The following MACROD2 variants were observed in gnomAD, a reference collection of about 807,000 sequenced individuals.
MACROD2 encodes the protein ADP-ribose glycohydrolase MACROD2.
Under a neutral mutation model 70.4 loss-of-function variants are expected in MACROD2, and 36 were observed. That is an observed-to-expected ratio of 0.51 (90% confidence interval 0.39 to 0.68). The LOEUF is 0.68. Among genes scored for constraint, MACROD2 ranks in the 30% least tolerant of loss-of-function variants. The pLI is 0.00. For missense variants in MACROD2, 496 were observed against 538.4 expected (o/e 0.92, Z 0.78); for synonymous variants, 172 against 178.8 (o/e 0.96, Z 0.30).
chr20:14,064,827 T>C (rs1353405493), intron 2 of MACROD2, among the ~76,000 whole-genome samples: 1 of 152,196 alleles, frequency 6.6e-6, no homozygotes, highest in Non-Finnish European at 1.5e-5. Flanking sequence ...GTTAATACGA[T>C]ACTAAATGAA....
At chr20:15,035,791 GGGCCTACCA>G (rs2075308224) in intron 5 of MACROD2, among the ~76,000 whole-genome samples, 1 of 152,116 alleles carries the variant, frequency 6.6e-6, no homozygotes, top group Non-Finnish European at 1.5e-5. Context: ...CCCCAACTTG[GGGCCTACCA>G]GGAAATCCTA....
chr20:14,835,697 A>G (rs2073021965), intron 5 of MACROD2, among the ~76,000 whole-genome samples: 1 of 151,942 alleles, frequency 6.6e-6, no homozygotes, highest in Non-Finnish European at 1.5e-5. Flanking sequence ...TTCTACTACC[A>G]TTGCTCTGGA....
intron 8 of MACROD2, among the ~76,000 whole-genome samples, chr20:15,764,094 GC>G (rs2051482415): frequency 6.6e-6 from 1 of 152,184 alleles, no homozygotes; most frequent in Non-Finnish European, 1.5e-5. Context: ...ACAAAGCCCT[GC>G]CATTCCATAG....
intron 6 of MACROD2, among the ~76,000 whole-genome samples, chr20:15,288,784 G>A (rs2077514455): frequency 6.6e-6 from 1 of 151,992 alleles, no homozygotes; most frequent in Non-Finnish European, 1.5e-5. Flanking sequence ...AAAGCTTATG[G>A]TGGGACTTTT....
At chr20:15,248,102 T>A (rs1361308235) in intron 6 of MACROD2, among the ~76,000 whole-genome samples, 1 of 152,178 alleles carries the variant, frequency 6.6e-6, no homozygotes, top group Non-Finnish European at 1.5e-5. Flanking sequence ...AGGCTGCTCC[T>A]CTCTTGTTTA....
intron 6 of MACROD2, among the ~76,000 whole-genome samples, chr20:15,427,358 G>A (rs2046311950): frequency 6.6e-6 from 1 of 152,170 alleles, no homozygotes; most frequent in South Asian, 2.1e-4. Context: ...TAAGGCAAAT[G>A]AAACTTGTCA....
At chr20:15,367,602 T>G (rs2045429564) in intron 6 of MACROD2, among the ~76,000 whole-genome samples, 1 of 152,190 alleles carries the variant, frequency 6.6e-6, no homozygotes, top group South Asian at 2.1e-4. Flanking sequence ...ATTCAGGATC[T>G]TCTAAGTATA....
intron 5 of MACROD2, chr20:14,893,275 C>G (rs998113044): frequency 6.6e-6 from 1 of 152,084 alleles, no homozygotes; most frequent in African/African-American, 2.4e-5. Context: ...GCAGATATCT[C>G]TTGGAGACCC....
intron 3 of MACROD2, among the ~76,000 whole-genome samples, chr20:14,268,981 G>A (rs2082167805): frequency 6.6e-6 from 1 of 152,132 alleles, no homozygotes; most frequent in African/African-American, 2.4e-5. Context: ...GTGTGTTGGC[G>A]TAATAACACA....
chr20:14,955,445 T>C (rs79096558), intron 5 of MACROD2, among the ~76,000 whole-genome samples: 2,386 of 151,372 alleles, frequency 0.016, 63 homozygotes, highest in African/African-American at 0.053. Flanking sequence ...CACACCTCAT[T>C]GCCCTCCACA....
chr20:14,311,385 C>T lies in MACROD2; in HGVS notation c.272-182094C>T, dbSNP rs182325395. On this transcript the variant is annotated intron_variant, in intron 3 of 17. Coordinates refer to ENST00000684519, the MANE Select transcript of MACROD2 (RefSeq NM_001351661.2). Reference sequence around the variant, plus strand: ...TAGGAGAAGTAGGGTATACCATATCCTAGGTGTGTAGTAGGCTATACTATC... The same window carrying T: ...TAGGAGAAGTAGGGTATACCATATCTTAGGTGTGTAGTAGGCTATACTATC... Among the ~76,000 whole-genome samples, 4 of 152,202 alleles carry T rather than the reference C, an allele frequency of 2.6e-5. No individual in the cohort carries two copies. In the East Asian group the frequency reaches 7.7e-4, roughly 29 times the overall value.
chr20:14,224,875 T>G (rs1030609881), intron 3 of MACROD2, among the ~76,000 whole-genome samples: 1 of 152,240 alleles, frequency 6.6e-6, no homozygotes, highest in Non-Finnish European at 1.5e-5. Flanking sequence ...AATAGCTGTC[T>G]GTAGAATTGC....
intron 6 of MACROD2, among the ~76,000 whole-genome samples, chr20:15,253,492 A>T (rs980104923): frequency 6.6e-6 from 1 of 152,208 alleles, no homozygotes; most frequent in Non-Finnish European, 1.5e-5. Context: ...AAGCTAACTT[A>T]TGATTAAATT....
chr20:14,950,820 CTT>C (rs2074469761), intron 5 of MACROD2, among the ~76,000 whole-genome samples: 1 of 152,108 alleles, frequency 6.6e-6, no homozygotes, highest in South Asian at 2.1e-4. Flanking sequence ...AGTGAAAAGA[CTT>C]GAGGTCAGGA....
intron 5 of MACROD2, among the ~76,000 whole-genome samples, chr20:14,931,694 T>A (rs1195693134): frequency 6.6e-6 from 1 of 151,870 alleles, no homozygotes; most frequent in East Asian, 1.9e-4. Flanking sequence ...TGTCCCCGAT[T>A]TAAAAAAACA....
chr20:15,250,728 T>C (rs2077148238), intron 6 of MACROD2, among the ~76,000 whole-genome samples: 3 of 152,198 alleles, frequency 2.0e-5, no homozygotes, highest in Non-Finnish European at 4.4e-5. Context: ...ATCCTTTGGA[T>C]CTCAGCTCTG....
At chr20:15,054,003 C>A (rs2075463342) in intron 5 of MACROD2, among the ~76,000 whole-genome samples, 1 of 152,094 alleles carries the variant, frequency 6.6e-6, no homozygotes, top group Non-Finnish European at 1.5e-5. Flanking sequence ...AGCAAGAGAA[C>A]TTGAATTAGA....
At chr20:14,446,475 C>A (rs2084184064) in intron 3 of MACROD2, among the ~76,000 whole-genome samples, 1 of 152,052 alleles carries the variant, frequency 6.6e-6, no homozygotes, top group African/African-American at 2.4e-5. Flanking sequence ...GACCTCTTTT[C>A]CCTTATTATA....
intron 5 of MACROD2, among the ~76,000 whole-genome samples, chr20:15,068,049 T>G (rs2075591234): frequency 6.6e-6 from 1 of 152,222 alleles, no homozygotes; most frequent in African/African-American, 2.4e-5. Flanking sequence ...CTTAGCAATT[T>G]TTTTAAATAA....
Sources: allele counts gnomAD v4.1 joint callset (sites outside exome capture counted in the v4.1 genomes callset), GRCh38; gene constraint gnomAD v4.1.1; transcripts MANE v1.5; gene names NCBI Gene and HGNC (gene_info 2026-07-23, HGNC 2026-07-21).